Variants in TENM3 observed in about 807,000 individuals in gnomAD.
TENM3 encodes the protein teneurin transmembrane protein 3.
A neutral mutation model predicts 255.1 loss-of-function variants in TENM3; 63 were observed. The observed-to-expected ratio is 0.25, with a 90% confidence interval of 0.20 to 0.30. TENM3 has a LOEUF of 0.30. Among genes scored for constraint, TENM3 ranks in the 10% least tolerant of loss-of-function variants. The pLI, the probability that TENM3 is intolerant of heterozygous loss-of-function variation, is 1.00. For missense variants in TENM3, 2,929 were observed against 3,461.1 expected, an observed-to-expected ratio of 0.85 and a Z score of 3.86; for synonymous variants, 1,306 against 1,322.3, an observed-to-expected ratio of 0.99 and a Z score of 0.27.
the TENM3 span, among the ~76,000 whole-genome samples, chr4:181,978,813 A>G: frequency 1.3e-5 from 2 of 151,524 alleles, no homozygotes; most frequent in Admixed American, 1.3e-4. Context: ...TTAGGAACGT[A>G]TGAAATAAAG....
At chr4:182,244,582 C>T (rs1431869581) in intron 1 of TENM3, among the ~76,000 whole-genome samples, 1 of 152,158 alleles carries the variant, frequency 6.6e-6, no homozygotes, top group African/African-American at 2.4e-5. Flanking sequence ...TAGCCTGGCT[C>T]CTAAACTGAT....
chr4:181,717,841 G>A, the TENM3 span, among the ~76,000 whole-genome samples: 1 of 152,284 alleles, frequency 6.6e-6, no homozygotes, highest in East Asian at 1.9e-4. Context: ...TTGTGCAGGA[G>A]GGGAGTAGAG....
At chr4:182,540,458 G>A (rs533642863) in intron 3 of TENM3, among the ~76,000 whole-genome samples, 3 of 152,194 alleles carry the variant, frequency 2.0e-5, no homozygotes, top group East Asian at 1.9e-4. Context: ...GCATGGTGGC[G>A]CATGCCTGTA....
the TENM3 span, among the ~76,000 whole-genome samples, chr4:181,962,699 A>G: frequency 6.6e-6 from 1 of 152,160 alleles, no homozygotes; most frequent in Non-Finnish European, 1.5e-5. Flanking sequence ...TTTGCCTCCA[A>G]AGTAAAGCCT....
At chr4:182,740,512 A>G (rs13125733) in intron 18 of TENM3, among the ~76,000 whole-genome samples, 98,411 of 151,466 alleles carry the variant, frequency 0.65, 32,326 homozygotes, top group East Asian at 0.8. Flanking sequence ...TCCTTCAGAA[A>G]CCCTCTAAAA....
At chr4:182,699,073 G>A (rs1255603183) in intron 12 of TENM3, among the ~76,000 whole-genome samples, 2 of 152,138 alleles carry the variant, frequency 1.3e-5, no homozygotes, top group African/African-American at 2.4e-5. Context: ...CCTTGTTTAG[G>A]GTCATATGAT....
intron 6 of TENM3, among the ~76,000 whole-genome samples, chr4:182,669,238 A>T (rs1754987109): frequency 6.6e-6 from 1 of 151,906 alleles, no homozygotes; most frequent in Non-Finnish European, 1.5e-5. Flanking sequence ...TAACATAAAG[A>T]GTATTATATT....
intron 1 of TENM3, among the ~76,000 whole-genome samples, chr4:182,191,485 T>C (rs1054013601): frequency 6.6e-6 from 1 of 152,148 alleles, no homozygotes; most frequent in Admixed American, 6.6e-5. Context: ...ATCCGTCCCA[T>C]TGCTAATTCT....
intron 3 of TENM3, among the ~76,000 whole-genome samples, chr4:182,420,804 A>AT (rs1770777706): frequency 2.0e-5 from 3 of 152,330 alleles, no homozygotes; most frequent in Admixed American, 2.0e-4. Flanking sequence ...GCAAACCAAT[A>AT]AATCAACAGT....
At chr4:182,785,963 T>C (rs1404311111) in intron 24 of TENM3, among the ~76,000 whole-genome samples, 1 of 152,126 alleles carries the variant, frequency 6.6e-6, no homozygotes, top group Non-Finnish European at 1.5e-5. Flanking sequence ...TGTTCCGTAC[T>C]GAATAACAGA....
chr4:181,457,716 CA>C, the TENM3 span, among the ~76,000 whole-genome samples: 2 of 96,370 alleles, frequency 2.1e-5, no homozygotes, highest in Non-Finnish European at 4.4e-5. Context: ...TAGTCAATTA[CA>C]AAGAAAAAAA....
the TENM3 span, among the ~76,000 whole-genome samples, chr4:182,116,144 A>C: frequency 6.6e-6 from 1 of 152,106 alleles, no homozygotes; most frequent in Admixed American, 6.5e-5. Flanking sequence ...ATTGTAGAAC[A>C]CACAGAAGAG....
chr4:182,418,249 C>A (rs1283778098), intron 3 of TENM3, among the ~76,000 whole-genome samples: 1 of 152,174 alleles, frequency 6.6e-6, no homozygotes, highest in Non-Finnish European at 1.5e-5. Flanking sequence ...TAAGCAGTTT[C>A]TTTGAGGTGC....
At chr4:182,791,420 T>C (rs998635383) in intron 25 of TENM3, among the ~76,000 whole-genome samples, 2 of 152,198 alleles carry the variant, frequency 1.3e-5, no homozygotes, top group Non-Finnish European at 2.9e-5. Context: ...GGGATGACCT[T>C]CTCTCACATT....
At chr4:181,793,923 G>GTATATCATTTA in the TENM3 span, among the ~76,000 whole-genome samples, 3 of 152,068 alleles carry the variant, frequency 2.0e-5, no homozygotes, top group Admixed American at 6.6e-5. Context: ...GATTAGGGCT[G>GTATATCATTTA]GTCCTATAGT....
the TENM3 span, among the ~76,000 whole-genome samples, chr4:181,653,338 A>C: frequency 6.6e-6 from 1 of 152,172 alleles, no homozygotes; most frequent in African/African-American, 2.4e-5. Context: ...GGAGCTGCTG[A>C]TGCTTCTGGT....
At chr4:182,236,007 C>T (rs1756882039) in intron 1 of TENM3, among the ~76,000 whole-genome samples, 1 of 152,136 alleles carries the variant, frequency 6.6e-6, no homozygotes, top group African/African-American at 2.4e-5. Context: ...GTGACATGAC[C>T]AGATTCACAT....
intron 1 of TENM3, among the ~76,000 whole-genome samples, chr4:182,305,227 A>C (rs572635720): frequency 5.3e-5 from 8 of 151,982 alleles, no homozygotes; most frequent in Admixed American, 1.3e-4. Flanking sequence ...AAAAAACCAC[A>C]AAAACAAAAG....
rs1254063600 is a variant in TENM3 at position 182,527,715 on chromosome 4, TG to T, written c.512-73207del. Among the ~76,000 whole-genome samples, 5 of 148,110 alleles carry T rather than the reference TG, an allele frequency of 3.4e-5. No homozygotes were observed. The East Asian group carries it at 1.0e-3, about 30-fold the overall frequency. On this transcript the variant is annotated intron_variant, in intron 3 of 27. Transcript: ENST00000511685. Reference sequence around the variant, plus strand: ...GAGTTAAGTCAAAGTTTGTTTTTTTTGGTTGTTGTTGTTTTTGTTTTTTTTG... The same window carrying T: ...GAGTTAAGTCAAAGTTTGTTTTTTTTGTTGTTGTTGTTTTTGTTTTTTTTG...
Sources: allele counts gnomAD v4.1 joint callset (sites outside exome capture counted in the v4.1 genomes callset), GRCh38; gene constraint gnomAD v4.1.1; transcripts MANE v1.5; gene names NCBI Gene and HGNC (gene_info 2026-07-23, HGNC 2026-07-21).